The following ELAVL4 variants were observed in gnomAD, a reference collection of about 807,000 sequenced individuals.
The protein encoded by ELAVL4 is ELAV-like protein 4.
In ELAVL4, 1 loss-of-function variant was observed where a neutral mutation model predicts 35.6. The ratio of observed to expected loss-of-function variants is 0.03; its 90% CI spans 0.01 to 0.13. The LOEUF (loss-of-function observed/expected upper bound fraction) is 0.13. Ranked by LOEUF, ELAVL4 falls within the 10% of genes least tolerant of loss-of-function variation. ELAVL4 has a pLI of 1.00. For synonymous variants in ELAVL4, 156 were observed against 171.0 expected (o/e 0.91, Z 0.69); for missense variants, 267 against 464.9 (o/e 0.57, Z 3.91).
exon 1 of ELAVL4, chr1:50,048,094 C>A (rs541195501): frequency 1.4e-6 from 2 of 1,443,220 alleles, no homozygotes; most frequent in Non-Finnish European, 1.8e-6. Context: ...ACTCTGCGGA[C>A]GTCTTCCCGC....
intron 1 of ELAVL4, among the ~76,000 whole-genome samples, chr1:50,134,742 G>A (rs966163842): frequency 1.3e-5 from 2 of 152,098 alleles, no homozygotes; most frequent in African/African-American, 4.8e-5. Flanking sequence ...TGAAGGAAAC[G>A]TTCCCTCATC....
intron 3 of ELAVL4, among the ~76,000 whole-genome samples, chr1:50,182,557 G>A (rs1267697416): frequency 6.6e-6 from 1 of 152,192 alleles, no homozygotes; most frequent in Non-Finnish European, 1.5e-5. Flanking sequence ...TGGGGAGATA[G>A]GGAGCTGTGC....
intron 2 of ELAVL4, among the ~76,000 whole-genome samples, chr1:50,154,020 T>A (rs1003399183): frequency 9.8e-5 from 15 of 152,344 alleles, no homozygotes; most frequent in South Asian, 6.2e-4. Flanking sequence ...AGCCACCCAG[T>A]CTGTGGTATC....
At chr1:50,097,433 C>T (rs1665766304) in intron 1 of ELAVL4, among the ~76,000 whole-genome samples, 1 of 152,198 alleles carries the variant, frequency 6.6e-6, no homozygotes, top group Non-Finnish European at 1.5e-5. Context: ...TATTTATAAA[C>T]TCTGACATAT....
At chr1:50,124,119 C>A (rs542789650) in intron 1 of ELAVL4, among the ~76,000 whole-genome samples, 1 of 152,026 alleles carries the variant, frequency 6.6e-6, no homozygotes, top group Admixed American at 6.6e-5. Flanking sequence ...CCCAAATCCC[C>A]CTTGTTGTGA....
chr1:50,144,631 T>C (rs1477205792), intron 1 of ELAVL4: 1 of 505,434 alleles, frequency 2.0e-6, no homozygotes. Context: ...ATTTTAATTA[T>C]AATTTGGTGT....
intron 2 of ELAVL4, among the ~76,000 whole-genome samples, chr1:50,158,812 G>A (rs1026678142): frequency 3.3e-5 from 5 of 152,124 alleles, no homozygotes; most frequent in East Asian, 3.9e-4. Flanking sequence ...AGTCCAAGGC[G>A]GGTGGATCAC....
intron 6 of ELAVL4, among the ~76,000 whole-genome samples, chr1:50,199,268 A>G (rs1411526470): frequency 6.6e-6 from 1 of 152,238 alleles, no homozygotes; most frequent in Non-Finnish European, 1.5e-5. Context: ...TAGGACTTTC[A>G]AATCTCCAAG....
At chr1:50,177,774 A>G (rs1680305610) in intron 3 of ELAVL4, among the ~76,000 whole-genome samples, 1 of 152,202 alleles carries the variant, frequency 6.6e-6, no homozygotes. Flanking sequence ...CACCAGTGTA[A>G]TAGGGATGGG....
rs140407113 is a variant in ELAVL4, at chr1:50,186,697, G to A, written c.355-7068G>A. ...GTTTTTGTCTGAACTGGAGCATAGG[G>A]TGCATGAAGGGGTTGGCAGGAGATG... On this transcript the variant is annotated intron_variant, in intron 3 of 6. Transcript: ENST00000371824. Among the ~76,000 whole-genome samples, 15 of 152,302 alleles carry A rather than the reference G, an allele frequency of 9.8e-5. No homozygotes were observed. In the East Asian group the frequency reaches 2.9e-3, roughly 29 times the overall value.
chr1:50,106,206 T>C (rs557372753), upstream of ELAVL4: 69 of 1,042,988 alleles, frequency 6.6e-5, no homozygotes, highest in African/African-American at 9.3e-4. Context: ...AGTAGGTAGT[T>C]ATTAACGCTG....
At chr1:50,099,082 T>C (rs940223297), upstream of ELAVL4, among the ~76,000 whole-genome samples, 1 of 152,218 alleles carries the variant, frequency 6.6e-6, no homozygotes, top group African/African-American at 2.4e-5. Context: ...GAATAGAGCA[T>C]TGACCACCAA....
chr1:50,145,023 A>G lies in ELAVL4; in HGVS notation c.76A>G (p.Ser26Gly). The G allele has an allele frequency of 6.2e-7, 1 of 1,614,028 alleles. No individual in the cohort carries two copies. Among genetic ancestry groups the G allele is most frequent in the Non-Finnish European group, 8.5e-7 (1 of 1,179,968 alleles). Residue 26 changes from serine to glycine, a missense_variant, in exon 2 of 7, where the codon AGC becomes GGC. By Grantham distance (56) the Ser-to-Gly change is moderately conservative (BLOSUM62 0). This residue lies in a region of ELAVL4 where 51 missense variants were observed against 55.4 expected (regional missense o/e 0.92). Transcript: ENST00000371824. ...ATCCAATACAAGCAATGGACCCTCC[A>G]GCAACAACAGAAACTGTCCTTCTCC... ...PTSNTSNGPS[S>G]NNRNCPSPMQ...
rs1483698692 is a variant in ELAVL4 at position 50,203,333 on chromosome 1, G to A, written c.*2155G>A. The A allele has an allele frequency of 3.3e-5, 5 of 152,054 alleles. No homozygotes were observed. Among genetic ancestry groups the A allele is most frequent in the Non-Finnish European group, 2.9e-5 (2 of 68,010 alleles). 9.4% of individuals were successfully genotyped at this position (152,054 alleles called of 1,614,324 possible). On this transcript the variant is annotated 3_prime_UTR_variant, in exon 7 of 7. Transcript: ENST00000371824. ...GTCGTTGTAGTGGTAGACAGATAAC[G>A]AATACCAAGGCTGCATCATAGACTC...
At chr1:50,129,072 T>A (rs778880932) in intron 1 of ELAVL4, among the ~76,000 whole-genome samples, 20 of 152,212 alleles carry the variant, frequency 1.3e-4, no homozygotes, top group South Asian at 6.2e-4. Flanking sequence ...GAGTCCAGCA[T>A]GTAATTTAAT....
chr1:50,181,622 G>A (rs1421915105), intron 3 of ELAVL4, among the ~76,000 whole-genome samples: 1 of 152,164 alleles, frequency 6.6e-6, no homozygotes, highest in Non-Finnish European at 1.5e-5. Flanking sequence ...CCTCATGTAG[G>A]AGTTTGGGAT....
At chr1:50,150,882 T>G (rs1282852394) in intron 2 of ELAVL4, among the ~76,000 whole-genome samples, 1 of 152,214 alleles carries the variant, frequency 6.6e-6, no homozygotes, top group Non-Finnish European at 1.5e-5. Flanking sequence ...CTTTTATTTT[T>G]TGTGTGTGCC....
intron 1 of ELAVL4, among the ~76,000 whole-genome samples, chr1:50,131,191 T>C (rs1392768258): frequency 2.0e-5 from 3 of 152,142 alleles, no homozygotes; most frequent in African/African-American, 7.2e-5. Context: ...CTTAGGGACA[T>C]AGTAAATTAA....
intron 2 of ELAVL4, among the ~76,000 whole-genome samples, chr1:50,146,711 T>A (rs1413489076): frequency 6.6e-6 from 1 of 152,162 alleles, no homozygotes; most frequent in East Asian, 1.9e-4. Flanking sequence ...TATAATAGGA[T>A]GATAATTCAA....
Sources: gnomAD v4.1 joint callset for allele counts (sites outside exome capture counted in the v4.1 genomes callset) on GRCh38, gnomAD v4.1.1 for gene constraint, gnomAD v4.1.1 regional missense constraint, MANE v1.5 for transcripts, NCBI Gene and HGNC (gene_info 2026-07-23, HGNC 2026-07-21) for gene names.